Variants in NUP107 observed in about 807,000 individuals in gnomAD.
The protein encoded by NUP107 is nuclear pore complex protein Nup107.
In NUP107, 101 loss-of-function variants were observed where a neutral mutation model predicts 141.0. The observed-to-expected ratio is 0.72, with a 90% CI of 0.61 to 0.84. The LOEUF (loss-of-function observed/expected upper bound fraction) is 0.84, where lower values mean the gene tolerates loss of function less well. NUP107 is among the 40% of genes least tolerant of loss of function. The pLI is 0.00. For missense variants in NUP107, 941 were observed against 1,102.7 expected, an observed-to-expected ratio of 0.85 and a Z score of 2.08; for synonymous variants, 319 against 363.9, an observed-to-expected ratio of 0.88 and a Z score of 1.41.
intron 3 of NUP107, 93 bp downstream of exon 3, chr12:68,689,712 AC>A (rs775114074): frequency 1.2e-6 from 1 of 808,820 alleles, no homozygotes; most frequent in Non-Finnish European, 2.0e-6. Flanking sequence ...GTATTTGGTT[AC>A]GATATCAATA....
At position 68,731,336 on chromosome 12, in the gene NUP107, T is replaced by C. The variant is rs895696379; in HGVS notation, c.1885+76T>C. 1.0e-5 allele frequency: 14 copies of C among 1,388,246 alleles called. No homozygotes were observed. The African/African-American group carries it at 1.2e-4, about 12-fold the overall frequency. 86.0% of individuals were successfully genotyped at this position (1,388,246 alleles called of 1,614,324 possible). Reference sequence around the variant, plus strand: ...TTTTGGCTGTAGTAACATTTGTCCTTATAGTTTTAAATCTTATTTCTGTTG... The same window carrying C: ...TTTTGGCTGTAGTAACATTTGTCCTCATAGTTTTAAATCTTATTTCTGTTG... On this transcript the variant is annotated intron_variant, in intron 21 of 27. Coordinates refer to ENST00000229179, the MANE Select transcript of NUP107 (RefSeq NM_020401.4).
At chr12:68,698,239 A>G (rs762424337) in intron 6 of NUP107, among the ~76,000 whole-genome samples, 3 of 152,146 alleles carry the variant, frequency 2.0e-5, no homozygotes, top group Admixed American at 1.3e-4. Flanking sequence ...CAGCATAGCA[A>G]AACCCCATCT....
chr12:68,731,156 G>T lies in NUP107; in HGVS notation c.1781G>T (p.Cys594Phe). ...KHTNLIAFYTCHLPQDLAVAQ... is the reference protein window; with the variant it reads ...KHTNLIAFYTFHLPQDLAVAQ... ...ACAAATCTTATAGCATTTTATACCTGTCATTTGCCTCAAGACCTAGCTGTT... is the reference window on the plus strand; with the variant it reads ...ACAAATCTTATAGCATTTTATACCTTTCATTTGCCTCAAGACCTAGCTGTT... Residue 594 changes from cysteine to phenylalanine, a missense_variant, in exon 21 of 28, where the codon TGT becomes TTT. By Grantham distance (205) the Cys-to-Phe change is radical (BLOSUM62 -2). Transcript: ENST00000229179. 9 of 1,609,394 alleles carry T rather than the reference G, an allele frequency of 5.6e-6. No homozygotes were observed. Among genetic ancestry groups the T allele is most frequent in the Non-Finnish European group, 7.6e-6 (9 of 1,177,848 alleles).
chr12:68,716,187 T>C (rs1004831503), intron 12 of NUP107, among the ~76,000 whole-genome samples: 1 of 151,420 alleles, frequency 6.6e-6, no homozygotes, highest in African/African-American at 2.4e-5. Flanking sequence ...ACACTGCACC[T>C]GGCCCAATCT....
At chr12:68,725,869 C>G in intron 18 of NUP107, 73 bp downstream of exon 18, 2 of 748,650 alleles carry the variant, frequency 2.7e-6, no homozygotes, top group Non-Finnish European at 2.1e-6. Context: ...CAAAGTCTCA[C>G]CCTGTTGCCC....
Position 68,733,496 on chromosome 12 carries a change from C to T in NUP107, c.2146C>T (p.Pro716Ser). The T allele has an allele frequency of 6.2e-7, 1 of 1,609,662 alleles. No individual in the cohort carries two copies. Among genetic ancestry groups the T allele is most frequent in the South Asian group, 1.1e-5 (1 of 89,728 alleles). The change falls in exon 24 of 28, where the codon CCT (proline) becomes TCT (serine). Residue 716 changes from proline to serine, a missense_variant. Coordinates refer to ENST00000229179, the MANE Select transcript of NUP107 (RefSeq NM_020401.4). ...EAAKEVFVKI[P>S]QDSIAEIYNQ... ...TGCAAAAGAAGTATTTGTGAAAATT[C>T]CTCAGGATTCTATAGCAGAAATCTA... is the stretch of plus-strand genomic sequence containing the variant.
intron 10 of NUP107, 139 bp from the exon 11 acceptor site, chr12:68,713,591 G>A (rs992264272): frequency 7.8e-6 from 5 of 640,324 alleles, no homozygotes; most frequent in Non-Finnish European, 1.3e-5. Context: ...GAGCTAAAAT[G>A]TACTTCTGTA....
rs1411101106 is a variant in NUP107, at chr12:68,702,801, T to G, written c.729+17T>G. The G allele has an allele frequency of 7.1e-7, 1 of 1,412,842 alleles. No individual in the cohort carries two copies. The highest frequency in any genetic ancestry group is 2.4e-5 in the East Asian group (1 of 40,978). The allele number at this position is 1,412,842 out of a possible 1,614,324, so 87.5% of individuals were successfully genotyped here. ...GCAGTTACTGTAAGTTTTATATTAATTTTTTCTTTTATAAATACATACAAA... is the reference window on the plus strand; with the variant it reads ...GCAGTTACTGTAAGTTTTATATTAAGTTTTTCTTTTATAAATACATACAAA... On this transcript the variant is annotated intron_variant, in intron 8 of 27. Coordinates refer to ENST00000229179, the MANE Select transcript of NUP107 (RefSeq NM_020401.4).
intron 26 of NUP107, among the ~76,000 whole-genome samples, chr12:68,737,030 G>A (rs907484186): frequency 2.0e-5 from 3 of 152,122 alleles, no homozygotes; most frequent in Middle Eastern, 3.4e-3. Context: ...CCTAACGTTC[G>A]TAATAGAACT....
At chr12:68,691,704 C>T (rs935007804) in intron 4 of NUP107, among the ~76,000 whole-genome samples, 1 of 151,946 alleles carries the variant, frequency 6.6e-6, no homozygotes, top group Non-Finnish European at 1.5e-5. Context: ...CGTGGTGGCA[C>T]GTGCCTGTAG....
chr12:68,690,048 C>CTT, intron 3 of NUP107: 1 of 156,020 alleles, frequency 6.4e-6, no homozygotes, highest in Admixed American at 6.5e-5. Flanking sequence ...GGCGTGGTGG[C>CTT]ACATGCCTGT....
chr12:68,741,285 A>G lies in NUP107; in HGVS notation c.2503-528A>G, dbSNP rs556196634. 2.4e-4 allele frequency among the ~76,000 whole-genome samples: 37 copies of G among 152,140 alleles called. 1 individual carries two copies. The highest frequency in any genetic ancestry group is 1.2e-3 in the Admixed American group (19 of 15,264). ...CTTATATATCTGTTCTGACTCATTA[A>G]TTGTATTATTCAAATCTATAGGTTC... On this transcript the variant is annotated intron_variant, in intron 26 of 27. Transcript: ENST00000229179.
At position 68,690,713 on chromosome 12, in the gene NUP107, G is replaced by A. The variant is rs151259655; in HGVS notation, c.270G>A (p.Thr90=). Residue 90 remains threonine, a synonymous_variant, in exon 4 of 28, where the codon ACG becomes ACA. Coordinates refer to ENST00000229179, the MANE Select transcript of NUP107 (RefSeq NM_020401.4). ...LGTGGKSPRL[T]QSSGFFGNLS... is the part of the protein sequence containing the mutation. The stretch of plus-strand genomic sequence containing the variant: ...CAGGAGGGAAGTCGCCCCGACTTAC[G>A]CAGTCTTCAGGGTTCTTTGGAAATC... 187 of 1,613,990 alleles carry A rather than the reference G, an allele frequency of 1.2e-4. No homozygotes were observed. Among genetic ancestry groups the A allele is most frequent in the Non-Finnish European group, 1.5e-4 (179 of 1,180,002 alleles).
intron 18 of NUP107, among the ~76,000 whole-genome samples, chr12:68,726,095 A>G (rs1877552949): frequency 6.6e-6 from 1 of 152,086 alleles, no homozygotes; most frequent in African/African-American, 2.4e-5. Flanking sequence ...CTGGCCTCCC[A>G]AAGTGCTATA....
chr12:68,689,469 T>C, intron 2 of NUP107, 64 bp from the exon 3 acceptor site: 1 of 913,598 alleles, frequency 1.1e-6, no homozygotes, highest in Non-Finnish European at 1.7e-6. Context: ...AGTAAAAAGA[T>C]GGTTAATTCT....
chr12:68,718,728 C>T (rs1195792737), intron 12 of NUP107, among the ~76,000 whole-genome samples: 4 of 151,194 alleles, frequency 2.6e-5, no homozygotes, highest in African/African-American at 7.3e-5. Flanking sequence ...TCCAGAAGTT[C>T]GAGACCAGCC....
At chr12:68,737,907 C>T (rs563532997) in intron 26 of NUP107, among the ~76,000 whole-genome samples, 7 of 152,048 alleles carry the variant, frequency 4.6e-5, no homozygotes, top group South Asian at 4.2e-4. Context: ...TTTGGGAGGC[C>T]GAGGAGGGCA....
chr12:68,701,331 G>T (rs1488571456), intron 7 of NUP107, among the ~76,000 whole-genome samples: 3 of 152,080 alleles, frequency 2.0e-5, no homozygotes, highest in African/African-American at 7.2e-5. Flanking sequence ...CTAAGGAATT[G>T]GCTAAATGAA....
chr12:68,738,407 C>T (rs942404884), intron 26 of NUP107, among the ~76,000 whole-genome samples: 1 of 150,862 alleles, frequency 6.6e-6, no homozygotes, highest in Non-Finnish European at 1.5e-5. Flanking sequence ...GCCAAGATTG[C>T]GCCACTGCAC....
Sources: gnomAD v4.1 joint callset for allele counts (sites outside exome capture counted in the v4.1 genomes callset) on GRCh38, gnomAD v4.1.1 for gene constraint, MANE v1.5 for transcripts, NCBI Gene and HGNC (gene_info 2026-07-23, HGNC 2026-07-21) for gene names.